Variants in NKIRAS1 observed in about 807,000 individuals in gnomAD.
NKIRAS1 encodes the protein NFKB inhibitor interacting Ras like 1.
In NKIRAS1, 16 loss-of-function variants were observed where a neutral mutation model predicts 19.8. The ratio of observed to expected loss-of-function variants is 0.81; its 90% CI spans 0.55 to 1.23. NKIRAS1 has a LOEUF of 1.23. Among genes scored for constraint, NKIRAS1 ranks in the 50% most tolerant of loss-of-function variants. The pLI is 0.00. For synonymous variants in NKIRAS1, 88 were observed against 79.0 expected, an observed-to-expected ratio of 1.11 and a Z score of -0.61; for missense variants, 184 against 220.0, an observed-to-expected ratio of 0.84 and a Z score of 1.04.
upstream of NKIRAS1, chr3:23,920,351 A>T: frequency 6.1e-6 from 6 of 985,528 alleles, no homozygotes; most frequent in Non-Finnish European, 7.2e-6. Flanking sequence ...GTCCACTCCC[A>T]TAGGCTACAG....
chr3:23,944,107 T>C (rs1355656790), intron 1 of NKIRAS1, among the ~76,000 whole-genome samples: 1 of 152,170 alleles, frequency 6.6e-6, no homozygotes, highest in South Asian at 2.1e-4. Context: ...GGATTGAACA[T>C]ATTTTGAAGG....
rs1234195166 is a variant in NKIRAS1, at chr3:23,938,482, G to T, written c.-140+7841C>A. ...CTGCCTCAGACTCCCAGAGTGTTAT[G>T]ATTACAGGTGTGAGCCACCATGCCC... On this transcript the variant is annotated intron_variant, in intron 1 of 4. Coordinates refer to the NKIRAS1 transcript ENST00000421515. Among the ~76,000 whole-genome samples the T allele has an allele frequency of 2.6e-5, 4 of 152,146 alleles. No homozygotes were observed. The East Asian group carries it at 7.7e-4, about 29-fold the overall frequency.
At position 23,890,755 on chromosome 3, in the gene NKIRAS1, T is replaced by C. The variant is rs1454056076; in HGVS notation, c.*2340A>G. On this transcript the variant is annotated 3_prime_UTR_variant, in exon 5 of 5. Transcript: ENST00000425478. Reference sequence around the variant, plus strand: ...AGTCTTATTTCCTAAGATTTTGTTGTAACTTAAGGTATCTTGCTACAGTAG... The same window carrying C: ...AGTCTTATTTCCTAAGATTTTGTTGCAACTTAAGGTATCTTGCTACAGTAG... 9.2e-6 allele frequency: 6 copies of C among 649,338 alleles called. No individual in the cohort carries two copies. The highest frequency in any genetic ancestry group is 1.2e-5 in the Non-Finnish European group (5 of 422,262). 40.2% of individuals were successfully genotyped at this position (649,338 alleles called of 1,614,324 possible).
At position 23,892,675 on chromosome 3, in the gene NKIRAS1, A is replaced by C. The variant is rs1701556862; in HGVS notation, c.*420T>G. On this transcript the variant is annotated 3_prime_UTR_variant, in exon 5 of 5. Coordinates refer to ENST00000425478, the MANE Select transcript of NKIRAS1 (RefSeq NM_020345.4). ...GTTTTATAATCCTAGACATTAGATT[A>C]ATGAACTTTTTAAAAACAAAGTCAT... The C allele has an allele frequency of 1.3e-5, 2 of 153,068 alleles. No homozygotes were observed. The highest frequency in any genetic ancestry group is 4.8e-5 in the African/African-American group (2 of 41,476). 9.5% of individuals were successfully genotyped at this position (153,068 alleles called of 1,614,324 possible). A position where few individuals can be genotyped will look rare whatever the true frequency, so the allele number is the denominator to read the frequency against.
chr3:23,907,850 G>C (rs76071223), intron 3 of NKIRAS1, among the ~76,000 whole-genome samples: 2 of 152,090 alleles, frequency 1.3e-5, no homozygotes, highest in East Asian at 1.9e-4. Flanking sequence ...TGCAATTATG[G>C]TAACTGTCTT....
At chr3:23,901,142 C>T (rs1702478385) in intron 3 of NKIRAS1, 93 bp from the exon 4 acceptor site, 25 of 1,220,670 alleles carry the variant, frequency 2.0e-5, no homozygotes, top group South Asian at 1.2e-4. Context: ...TTCTAGGTTT[C>T]TTATTTACCA....
At chr3:23,900,744 A>C in intron 4 of NKIRAS1, 64 bp downstream of exon 4, 2 of 1,303,322 alleles carry the variant, frequency 1.5e-6, no homozygotes, top group Non-Finnish European at 2.2e-6. Flanking sequence ...ACTACCCAAA[A>C]GTCTGTGCTA....
chr3:23,908,162 C>T (rs972410738), intron 3 of NKIRAS1, among the ~76,000 whole-genome samples: 4 of 152,054 alleles, frequency 2.6e-5, no homozygotes, highest in African/African-American at 4.8e-5. Flanking sequence ...ACTTCCTTAG[C>T]GAACCAAAAT....
intron 1 of NKIRAS1, among the ~76,000 whole-genome samples, chr3:23,931,229 G>C (rs4320034): frequency 0.51 from 77,094 of 152,100 alleles, 21,549 homozygotes; most frequent in African/African-American, 0.76. Flanking sequence ...AAAAACCAAC[G>C]TTCCCTTCAA....
upstream of NKIRAS1, chr3:23,919,144 G>A: frequency 8.0e-7 from 1 of 1,245,714 alleles, no homozygotes; most frequent in African/African-American, 1.5e-5. Flanking sequence ...TTTCTGACTT[G>A]CTGCTATAGG....
Position 23,916,902 on chromosome 3 carries a change from G to A in NKIRAS1, c.-258C>T, listed in dbSNP as rs1271016922. 1.3e-5 allele frequency: 2 copies of A among 152,754 alleles called. No individual in the cohort carries two copies. Among genetic ancestry groups the A allele is most frequent in the Admixed American group, 6.5e-5 (1 of 15,288 alleles). The allele number at this position is 152,754 out of a possible 1,614,324, so 9.5% of individuals were successfully genotyped here. A position where few individuals can be genotyped will look rare whatever the true frequency, so the allele number is the denominator to read the frequency against. Reference sequence around the variant, plus strand: ...AGAGACAGTCGCCGACGCTCGCTTAGCCGCCGAGACCTCGCCGCCAACTCT... The same window carrying A: ...AGAGACAGTCGCCGACGCTCGCTTAACCGCCGAGACCTCGCCGCCAACTCT... On this transcript the variant is annotated 5_prime_UTR_variant, in exon 1 of 5. Coordinates refer to ENST00000425478, the MANE Select transcript of NKIRAS1 (RefSeq NM_020345.4).
At position 23,916,794 on chromosome 3, in the gene NKIRAS1, C is replaced by G. The variant is rs1158556555; in HGVS notation, c.-150G>C. 1.3e-5 allele frequency: 2 copies of G among 152,826 alleles called. No homozygotes were observed. Among genetic ancestry groups the G allele is most frequent in the African/African-American group, 4.8e-5 (2 of 41,484 alleles). 9.5% of individuals were successfully genotyped at this position (152,826 alleles called of 1,614,324 possible). A position where few individuals can be genotyped will look rare whatever the true frequency, so the allele number is the denominator to read the frequency against. On this transcript the variant is annotated 5_prime_UTR_variant, in exon 1 of 5. Coordinates refer to ENST00000425478, the MANE Select transcript of NKIRAS1 (RefSeq NM_020345.4). ...GTGCGTGAAACAAACCTGTTCTCTC[C>G]TCAGACCTCAAAGACAGCGGCTCCA...
chr3:23,895,810 T>C (rs2125356303), intron 4 of NKIRAS1, among the ~76,000 whole-genome samples: 1 of 152,302 alleles, frequency 6.6e-6, no homozygotes, highest in Non-Finnish European at 1.5e-5. Flanking sequence ...TTTCACCTGA[T>C]GACCATATTG....
At chr3:23,946,272 C>G (rs1247650452) in intron 1 of NKIRAS1, 4 of 985,390 alleles carry the variant, frequency 4.1e-6, no homozygotes, top group African/African-American at 1.7e-5. Context: ...AAGGCGCGGA[C>G]CCCGCGCAAA....
upstream of NKIRAS1, among the ~76,000 whole-genome samples, chr3:23,921,328 G>C (rs953970781): frequency 6.6e-6 from 1 of 152,132 alleles, no homozygotes; most frequent in East Asian, 1.9e-4. Context: ...CCTCATGATA[G>C]CTTTCATGAT....
intron 1 of NKIRAS1, among the ~76,000 whole-genome samples, chr3:23,930,067 C>G (rs1449149755): frequency 6.6e-6 from 1 of 152,032 alleles, no homozygotes; most frequent in Non-Finnish European, 1.5e-5. Context: ...TAGAATATGT[C>G]ATATATATTG....
chr3:23,927,895 A>G lies in NKIRAS1; in HGVS notation c.-139-16445T>C, dbSNP rs545153335. On this transcript the variant is annotated intron_variant, in intron 1 of 4. Coordinates refer to the NKIRAS1 transcript ENST00000421515. The surrounding 1 kb of genome is among the most constrained non-coding windows in gnomAD (Gnocchi z 4.0). The stretch of plus-strand genomic sequence containing the variant: ...GGAGTTCCAGACCAGCCTGGGCAAC[A>G]TGGTGAGATCCTGTCTCTACAAAAG... Among the ~76,000 whole-genome samples, 1 of 152,198 alleles carries G rather than the reference A, an allele frequency of 6.6e-6. No homozygotes were observed. Among genetic ancestry groups the G allele is most frequent in the African/African-American group, 2.4e-5 (1 of 41,530 alleles).
At chr3:23,921,350 A>C (rs750778648), upstream of NKIRAS1, among the ~76,000 whole-genome samples, 2 of 152,154 alleles carry the variant, frequency 1.3e-5, no homozygotes, top group Non-Finnish European at 2.9e-5. Context: ...TTCCCACTTT[A>C]TGTGTGACCT....
intron 4 of NKIRAS1, 123 bp downstream of exon 4, chr3:23,900,685 G>T (rs2125377933): frequency 1.7e-4 from 100 of 584,008 alleles, no homozygotes; most frequent in Non-Finnish European, 2.2e-4. Flanking sequence ...GAAAAAAATT[G>T]TAAAGGTTTT....
Sources: allele counts gnomAD v4.1 joint callset (sites outside exome capture counted in the v4.1 genomes callset), GRCh38; gene constraint gnomAD v4.1.1; non-coding constraint Gnocchi (gnomAD v3.1); transcripts MANE v1.5; gene names NCBI Gene and HGNC (gene_info 2026-07-23, HGNC 2026-07-21).